The following SYNE1 variants were observed in gnomAD, a reference collection of about 807,000 sequenced individuals.
SYNE1 encodes spectrin repeat containing nuclear envelope protein 1.
SYNE1 carries 616 observed loss-of-function variants against 1,111.0 expected under a neutral mutation model. The ratio of observed to expected loss-of-function variants is 0.55; its 90% CI spans 0.52 to 0.59. SYNE1 has a LOEUF of 0.59. Among genes scored for constraint, SYNE1 ranks in the 20% least tolerant of loss-of-function variants. The pLI, the probability that SYNE1 is intolerant of heterozygous loss-of-function variation, is 0.00. For missense variants in SYNE1, 10,006 were observed against 10,417.0 expected, an observed-to-expected ratio of 0.96 and a Z score of 1.72; for synonymous variants, 3,855 against 3,825.8, an observed-to-expected ratio of 1.01 and a Z score of -0.28.
chr6:152,597,786 ATATT>A (rs1470124801), intron 3 of SYNE1, among the ~76,000 whole-genome samples: 4 of 152,322 alleles, frequency 2.6e-5, no homozygotes, highest in African/African-American at 2.4e-5. Context: ...TATGTAGTAT[ATATT>A]ATAGTCAAGC....
chr6:152,445,718 CT>C lies in SYNE1; in HGVS notation c.3670-1141del, dbSNP rs111707997. Among the ~76,000 whole-genome samples the C allele has an allele frequency of 4.6e-5, 7 of 151,436 alleles. No homozygotes were observed. In the East Asian group the frequency reaches 5.8e-4, roughly 13 times the overall value. Reference sequence around the variant, plus strand: ...TGTATCTTGTGCATCCACCCACAGTCTTTTTTTTTCTTACACTGGACAATTG... The same window carrying C: ...TGTATCTTGTGCATCCACCCACAGTCTTTTTTTTCTTACACTGGACAATTG... On this transcript the variant is annotated intron_variant, in intron 29 of 145. Transcript: ENST00000367255.
rs770690488 is a variant in SYNE1, at chr6:152,122,622, G to A, written c.26208C>T (p.Ser8736=). 2.7e-5 allele frequency: 43 copies of A among 1,614,022 alleles called. No individual in the cohort carries two copies. In the Middle Eastern group the frequency reaches 4.9e-4, roughly 19 times the overall value. The change falls in exon 146 of 146, where the codon TCC becomes TCT. Residue 8736 remains serine (S), a synonymous_variant. Transcript: ENST00000367255. ...GGACTCTGAACAGGAAGCCGCGGCC[G>A]GACCGACCTGGCCCTGGCTCAGAAA... The part of the protein sequence containing the change: ...SSLSEPGPGR[S]GRGFLFRVLR...
chr6:152,160,264 C>CCT (rs756160470), intron 131 of SYNE1, among the ~76,000 whole-genome samples: 4 of 151,552 alleles, frequency 2.6e-5, no homozygotes, highest in Non-Finnish European at 5.9e-5. Context: ...ATTTTACAAT[C>CCT]CTCTCTCTCT....
chr6:152,301,664 T>C (rs143412922), intron 92 of SYNE1, among the ~76,000 whole-genome samples: 2 of 152,334 alleles, frequency 1.3e-5, no homozygotes, highest in African/African-American at 2.4e-5. Context: ...CTCGAGCACA[T>C]AGTTTCATTT....
chr6:152,404,123 A>G, intron 46 of SYNE1, 90 bp downstream of exon 46: 1 of 816,694 alleles, frequency 1.2e-6, no homozygotes, highest in Non-Finnish European at 2.1e-6. Context: ...ATATACACAC[A>G]CACACACACA....
At chr6:152,364,240 A>G (rs1319952786) in intron 63 of SYNE1, among the ~76,000 whole-genome samples, 1 of 152,124 alleles carries the variant, frequency 6.6e-6, no homozygotes, top group East Asian at 1.9e-4. Context: ...CCCAGCCATG[A>G]GGAATTGGGA....
chr6:152,497,553 C>A (rs1442119583), intron 11 of SYNE1, among the ~76,000 whole-genome samples: 1 of 152,152 alleles, frequency 6.6e-6, no homozygotes, highest in Non-Finnish European at 1.5e-5. Context: ...AGGCTGCTCA[C>A]CAACTTCTGG....
chr6:152,484,440 T>C (rs562023229), intron 13 of SYNE1, among the ~76,000 whole-genome samples: 1 of 152,206 alleles, frequency 6.6e-6, no homozygotes, highest in African/African-American at 2.4e-5. Flanking sequence ...TAACTGTTGA[T>C]GAAACATGAT....
intron 121 of SYNE1, among the ~76,000 whole-genome samples, chr6:152,215,483 T>C (rs1237987908): frequency 6.6e-6 from 1 of 152,214 alleles, no homozygotes; most frequent in Non-Finnish European, 1.5e-5. Flanking sequence ...ACAAGTATTA[T>C]ATTATTTACT....
intron 66 of SYNE1, 109 bp downstream of exon 66, chr6:152,358,264 T>C (rs2096872971): frequency 7.0e-7 from 1 of 1,434,160 alleles, no homozygotes; most frequent in Non-Finnish European, 9.8e-7. Flanking sequence ...ACTTAATGTG[T>C]ATCAACTAGC....
Position 152,446,299 on chromosome 6 carries a change from C to T in SYNE1, c.3669+1159G>A, listed in dbSNP as rs182526439. 8.6e-4 allele frequency among the ~76,000 whole-genome samples: 131 copies of T among 151,924 alleles called. 1 individual carries two copies. The Middle Eastern group carries it at 0.017, about 20-fold the overall frequency. On this transcript the variant is annotated intron_variant, in intron 29 of 145. Transcript: ENST00000367255. ...AAACAGGCAACTGGCTAAATGTGGCCGTTGCTTTGAAAGATGGATAATCAA... is the reference window on the plus strand; with the variant it reads ...AAACAGGCAACTGGCTAAATGTGGCTGTTGCTTTGAAAGATGGATAATCAA...
intron 12 of SYNE1, among the ~76,000 whole-genome samples, chr6:152,487,907 C>G (rs540201657): frequency 6.6e-6 from 1 of 152,126 alleles, no homozygotes. Context: ...AACCCCATCT[C>G]TACTAAAAAT....
intron 8 of SYNE1, among the ~76,000 whole-genome samples, chr6:152,507,655 A>G (rs1273375943): frequency 1.3e-5 from 2 of 152,148 alleles, no homozygotes; most frequent in African/African-American, 4.8e-5. Context: ...GACCTCTAAT[A>G]TGTATTTACT....
rs1405718216 is a variant in SYNE1, at chr6:152,244,667, T to A, written c.19573-11A>T. The A allele has an allele frequency of 1.8e-5, 29 of 1,613,722 alleles. No individual in the cohort carries two copies. Among genetic ancestry groups the A allele is most frequent in the Non-Finnish European group, 2.4e-5 (28 of 1,179,820 alleles). Reference sequence around the variant, plus strand: ...AGCCTGTTGTATTGCCTAAGTAAGATCCATGACATTTTATTAAAACTCCCA... The same window carrying A: ...AGCCTGTTGTATTGCCTAAGTAAGAACCATGACATTTTATTAAAACTCCCA... On this transcript the variant is annotated splice_polypyrimidine_tract_variant and intron_variant, in intron 105 of 145. Coordinates refer to ENST00000367255, the MANE Select transcript of SYNE1 (RefSeq NM_182961.4).
At chr6:152,310,939 G>T in intron 87 of SYNE1, 66 bp from the exon 88 acceptor site, 1 of 1,531,292 alleles carries the variant, frequency 6.5e-7, no homozygotes, top group Non-Finnish European at 8.9e-7. Flanking sequence ...ATTCAATATA[G>T]CTTGGCATAA....
At chr6:152,376,135 G>A (rs1021473683) in intron 58 of SYNE1, 10 of 487,404 alleles carry the variant, frequency 2.1e-5, no homozygotes, top group Non-Finnish European at 3.4e-5. Flanking sequence ...TAGTTCCTCT[G>A]TGTGCACAGT....
Position 152,308,473 on chromosome 6 carries a change from C to T in SYNE1, c.17346+16G>A, listed in dbSNP as rs779244766. 1 of 1,614,080 alleles carries T rather than the reference C, an allele frequency of 6.2e-7. No homozygotes were observed. The highest frequency in any genetic ancestry group is 8.5e-7 in the Non-Finnish European group (1 of 1,180,022). ...CCAGTTTCCTGCCCTCGGTATTTCGCCTACATTCCTCTCACCTCATGCCGA... is the reference window on the plus strand; with the variant it reads ...CCAGTTTCCTGCCCTCGGTATTTCGTCTACATTCCTCTCACCTCATGCCGA... On this transcript the variant is annotated intron_variant, in intron 91 of 145. Transcript: ENST00000367255.
rs936806773 is a variant in SYNE1 at position 152,488,396 on chromosome 6, C to A, written c.1047G>T (p.Gln349His). 27 of 1,552,478 alleles carry A rather than the reference C, an allele frequency of 1.7e-5. No individual in the cohort carries two copies. Among genetic ancestry groups the A allele is most frequent in the Non-Finnish European group, 2.7e-6 (3 of 1,126,428 alleles). The change falls in exon 12 of 146, where the codon CAG becomes CAT. Residue 349 changes from glutamine to histidine, a missense_variant and splice_region_variant. Gln to His is a conservative substitution (Grantham distance 24, BLOSUM62 0). Transcript: ENST00000367255. The stretch of plus-strand genomic sequence containing the variant: ...TTCAAAAATCTTCTCCATACAATAC[C>A]TGATATTTATCCTGTAAATTTGATT... ...MVESNLQDKY[Q>H]SFKHFRVQYE...
intron 52 of SYNE1, among the ~76,000 whole-genome samples, 195 bp downstream of exon 52, chr6:152,391,082 C>T (rs1291763953): frequency 6.6e-6 from 1 of 152,124 alleles, no homozygotes; most frequent in Non-Finnish European, 1.5e-5. Flanking sequence ...TTATTTAAAG[C>T]TATTAAAATA....
Sources: allele counts gnomAD v4.1 joint callset (sites outside exome capture counted in the v4.1 genomes callset), GRCh38; gene constraint gnomAD v4.1.1; transcripts MANE v1.5; gene names NCBI Gene and HGNC (gene_info 2026-07-23, HGNC 2026-07-21).